Variants in ADGRL3 observed in about 807,000 individuals in gnomAD.
ADGRL3 encodes the protein calcium-independent alpha-latrotoxin receptor 3.
In ADGRL3, 62 loss-of-function variants were observed where a neutral mutation model predicts 153.5. The ratio of observed to expected loss-of-function variants is 0.40; its 90% CI spans 0.33 to 0.50. The LOEUF (loss-of-function observed/expected upper bound fraction) is 0.50. ADGRL3 is among the 20% of genes least tolerant of loss of function. The pLI, the probability that ADGRL3 is intolerant of heterozygous loss-of-function variation, is 0.47. For missense variants in ADGRL3, 1,641 were observed against 1,859.4 expected, an observed-to-expected ratio of 0.88 and a Z score of 2.16; for synonymous variants, 710 against 672.5, an observed-to-expected ratio of 1.06 and a Z score of -0.86.
rs1344811423 is a variant in ADGRL3 at position 62,029,853 on chromosome 4, G to A, written c.3422+972G>A. ...TAAATCTAAATGGCAATATTGCCTT[G>A]ATTTAATGGCAATTCTTATTTTTTC... On this transcript the variant is annotated intron_variant, in intron 22 of 26. Coordinates refer to ENST00000683033, the MANE Select transcript of ADGRL3 (RefSeq NM_001387552.1). Among the ~76,000 whole-genome samples, 10 of 151,368 alleles carry A rather than the reference G, an allele frequency of 6.6e-5. No individual in the cohort carries two copies. In the East Asian group the frequency reaches 1.5e-3, roughly 23 times the overall value.
chr4:62,001,004 G>A (rs906713729), intron 21 of ADGRL3, among the ~76,000 whole-genome samples: 1 of 151,888 alleles, frequency 6.6e-6, no homozygotes, highest in Non-Finnish European at 1.5e-5. Flanking sequence ...GGCTGGTCTC[G>A]AACTCCTGGC....
intron 11 of ADGRL3, among the ~76,000 whole-genome samples, chr4:61,905,327 T>C (rs1202051329): frequency 6.6e-6 from 1 of 152,220 alleles, no homozygotes; most frequent in African/African-American, 2.4e-5. Context: ...CTTGATTTAC[T>C]GTATTATCAG....
chr4:61,613,967 T>C (rs935697486), intron 5 of ADGRL3, among the ~76,000 whole-genome samples: 1 of 152,198 alleles, frequency 6.6e-6, no homozygotes, highest in African/African-American at 2.4e-5. Flanking sequence ...GTTGTCAGTA[T>C]GAATTTGTCC....
At chr4:61,441,163 G>T (rs542014020) in intron 2 of ADGRL3, among the ~76,000 whole-genome samples, 1 of 152,014 alleles carries the variant, frequency 6.6e-6, no homozygotes, top group South Asian at 2.1e-4. Context: ...TCTGATCTCT[G>T]ATCTGTATCT....
intron 8 of ADGRL3, among the ~76,000 whole-genome samples, chr4:61,744,752 A>G (rs1204593024): frequency 6.6e-6 from 1 of 152,164 alleles, no homozygotes; most frequent in Non-Finnish European, 1.5e-5. Context: ...AGATAAAACC[A>G]CAAAGATGGG....
intron 1 of ADGRL3, among the ~76,000 whole-genome samples, chr4:61,309,791 A>G (rs575267329): frequency 2.8e-4 from 42 of 152,152 alleles, no homozygotes; most frequent in Non-Finnish European, 5.3e-4. Flanking sequence ...CAAGAAAGCG[A>G]GCTGTTCTTG....
intron 5 of ADGRL3, among the ~76,000 whole-genome samples, chr4:61,621,579 T>TTATC (rs1169642271): frequency 6.6e-6 from 1 of 152,186 alleles, no homozygotes; most frequent in Non-Finnish European, 1.5e-5. Context: ...ATCCTCTTCA[T>TTATC]TATCTTTTTA....
chr4:61,624,041 G>A (rs1017921482), intron 5 of ADGRL3, among the ~76,000 whole-genome samples: 1 of 152,064 alleles, frequency 6.6e-6, no homozygotes, highest in African/African-American at 2.4e-5. Flanking sequence ...CTAGAGATTC[G>A]GGCAAGTTTC....
At chr4:61,241,283 T>C (rs1754845110) in intron 1 of ADGRL3, among the ~76,000 whole-genome samples, 1 of 151,972 alleles carries the variant, frequency 6.6e-6, no homozygotes, top group Non-Finnish European at 1.5e-5. Context: ...AAGGTGTTTG[T>C]GATAGTTTTC....
chr4:61,294,060 A>G (rs2094320773), intron 1 of ADGRL3, among the ~76,000 whole-genome samples: 1 of 152,212 alleles, frequency 6.6e-6, no homozygotes, highest in East Asian at 1.9e-4. Context: ...TAATGCCACG[A>G]AAGTATACAC....
chr4:61,235,488 A>T (rs1331059284), intron 1 of ADGRL3, among the ~76,000 whole-genome samples: 1 of 152,176 alleles, frequency 6.6e-6, no homozygotes, highest in Non-Finnish European at 1.5e-5. Context: ...TGCTTACAGA[A>T]GTGAGAAAGA....
At chr4:61,839,902 A>G (rs1417019641) in intron 9 of ADGRL3, among the ~76,000 whole-genome samples, 2 of 151,702 alleles carry the variant, frequency 1.3e-5, no homozygotes, top group Non-Finnish European at 2.9e-5. Flanking sequence ...GGGAGCCATG[A>G]TTAGGCTATA....
intron 8 of ADGRL3, among the ~76,000 whole-genome samples, chr4:61,736,927 G>T (rs890096171): frequency 2.0e-5 from 3 of 152,160 alleles, no homozygotes; most frequent in African/African-American, 7.2e-5. Context: ...TTGCAGTTTA[G>T]AGGTGGAAAG....
intron 1 of ADGRL3, among the ~76,000 whole-genome samples, chr4:61,358,651 T>TGA (rs1323830368): frequency 6.7e-6 from 1 of 150,270 alleles, no homozygotes; most frequent in African/African-American, 2.4e-5. Flanking sequence ...TTGAAAAACT[T>TGA]TTCTCAACTG....
intron 8 of ADGRL3, among the ~76,000 whole-genome samples, chr4:61,769,624 C>A (rs1158071490): frequency 6.6e-6 from 1 of 151,988 alleles, no homozygotes; most frequent in Non-Finnish European, 1.5e-5. Flanking sequence ...TGGGTGCAGG[C>A]AGGCTGAGTC....
At chr4:61,436,671 G>T (rs1362430655) in intron 2 of ADGRL3, among the ~76,000 whole-genome samples, 1 of 152,106 alleles carries the variant, frequency 6.6e-6, no homozygotes, top group Non-Finnish European at 1.5e-5. Flanking sequence ...ATGTTCAAAG[G>T]CATAGTGGTG....
chr4:62,013,435 A>G (rs2099196043), intron 21 of ADGRL3, among the ~76,000 whole-genome samples: 1 of 152,098 alleles, frequency 6.6e-6, no homozygotes, highest in South Asian at 2.1e-4. Flanking sequence ...CCCGCTACTC[A>G]GGAGACTGAC....
intron 2 of ADGRL3, among the ~76,000 whole-genome samples, chr4:61,441,307 TCAC>T (rs2152468573): frequency 6.6e-6 from 1 of 152,296 alleles, no homozygotes; most frequent in East Asian, 1.9e-4. Context: ...ATACTCTTTG[TCAC>T]CACCACCTCC....
At chr4:61,313,698 A>G (rs747540023) in intron 1 of ADGRL3, among the ~76,000 whole-genome samples, 2 of 152,238 alleles carry the variant, frequency 1.3e-5, no homozygotes, top group African/African-American at 2.4e-5. Flanking sequence ...AAGACCCCCA[A>G]ATACTTCTAA....
Sources: gnomAD v4.1 joint callset for allele counts (sites outside exome capture counted in the v4.1 genomes callset) on GRCh38, gnomAD v4.1.1 for gene constraint, MANE v1.5 for transcripts, NCBI Gene and HGNC (gene_info 2026-07-23, HGNC 2026-07-21) for gene names.